Variants in TRIM24 observed in about 807,000 individuals in gnomAD.
TRIM24 encodes tripartite motif containing 24, also known as transcription intermediary factor 1-alpha.
In TRIM24, 29 loss-of-function variants were observed where a neutral mutation model predicts 123.9. The observed-to-expected ratio is 0.23, with a 90% confidence interval of 0.17 to 0.32. The LOEUF is 0.32. Among genes scored for constraint, TRIM24 ranks in the 10% least tolerant of loss-of-function variants. TRIM24 has a pLI of 1.00. For missense variants in TRIM24, 932 were observed against 1,295.3 expected (o/e 0.72, Z 4.31); for synonymous variants, 456 against 461.1 (o/e 0.99, Z 0.14).
intron 1 of TRIM24, among the ~76,000 whole-genome samples, chr7:138,501,924 G>A (rs1319205310): frequency 1.3e-5 from 2 of 151,326 alleles, no homozygotes; most frequent in East Asian, 1.9e-4. Context: ...ACAAAAAACC[G>A]TCATGCAGCT....
intron 2 of TRIM24, among the ~76,000 whole-genome samples, chr7:138,506,958 T>A (rs760166084): frequency 9.2e-5 from 14 of 152,184 alleles, no homozygotes; most frequent in Non-Finnish European, 1.9e-4. Flanking sequence ...GAACTTGATA[T>A]GCCTGATTGG....
At chr7:138,539,767 T>TA (rs1563052817) in intron 7 of TRIM24, among the ~76,000 whole-genome samples, 1 of 150,646 alleles carries the variant, frequency 6.6e-6, no homozygotes, top group African/African-American at 2.4e-5. Context: ...TTATGTTTTT[T>TA]AAAAAAACAG....
intron 12 of TRIM24, among the ~76,000 whole-genome samples, chr7:138,575,423 G>T (rs1404115633): frequency 6.6e-6 from 1 of 150,772 alleles, no homozygotes; most frequent in Non-Finnish European, 1.5e-5. Flanking sequence ...CTTCCCAGTA[G>T]TGGGGACTAC....
At chr7:138,485,360 T>G (rs1795621101) in intron 1 of TRIM24, among the ~76,000 whole-genome samples, 1 of 152,208 alleles carries the variant, frequency 6.6e-6, no homozygotes, top group South Asian at 2.1e-4. Context: ...AACTTTTTTT[T>G]TTTTTAATTA....
chr7:138,506,646 A>T (rs1362945839), intron 2 of TRIM24, among the ~76,000 whole-genome samples: 1 of 152,196 alleles, frequency 6.6e-6, no homozygotes, highest in Non-Finnish European at 1.5e-5. Flanking sequence ...CCTCCGTATG[A>T]TCAATTAGTT....
chr7:138,513,471 G>A (rs1796330789), intron 2 of TRIM24, among the ~76,000 whole-genome samples: 1 of 152,166 alleles, frequency 6.6e-6, no homozygotes, highest in African/African-American at 2.4e-5. Flanking sequence ...AGGCTGTACA[G>A]GAAGCATGAT....
chr7:138,508,688 T>TGCGC (rs1408895553), intron 2 of TRIM24, among the ~76,000 whole-genome samples: 4 of 91,584 alleles, frequency 4.4e-5, no homozygotes, highest in African/African-American at 1.6e-4. Flanking sequence ...TGTGTGTGTG[T>TGCGC]GTGTGCGCGC....
intron 6 of TRIM24, among the ~76,000 whole-genome samples, chr7:138,532,567 T>C (rs1796770788): frequency 6.6e-6 from 1 of 152,132 alleles, no homozygotes; most frequent in Non-Finnish European, 1.5e-5. Flanking sequence ...GTTCCAAAGG[T>C]CTATATCTCT....
intron 13 of TRIM24, among the ~76,000 whole-genome samples, chr7:138,576,872 C>A (rs1389398531): frequency 6.6e-6 from 1 of 152,196 alleles, no homozygotes; most frequent in African/African-American, 2.4e-5. Flanking sequence ...CTCCTCTTCC[C>A]TGCATTATGC....
At chr7:138,470,115 C>T (rs1163020473) in intron 1 of TRIM24, among the ~76,000 whole-genome samples, 1 of 145,732 alleles carries the variant, frequency 6.9e-6, no homozygotes, top group African/African-American at 2.6e-5. Flanking sequence ...TTGCCTCCTA[C>T]AAGTATAATT....
chr7:138,532,059 GT>G (rs1796759128), intron 6 of TRIM24, among the ~76,000 whole-genome samples: 1 of 152,048 alleles, frequency 6.6e-6, no homozygotes, highest in African/African-American at 2.4e-5. Flanking sequence ...TTTTGATGGG[GT>G]TGTTTGTTTT....
intron 2 of TRIM24, among the ~76,000 whole-genome samples, chr7:138,504,740 G>A (rs910273038): frequency 8.6e-5 from 13 of 151,278 alleles, no homozygotes; most frequent in Non-Finnish European, 1.6e-4. Context: ...GATTACAGGC[G>A]TGAGCCACCG....
At chr7:138,490,869 T>A in intron 1 of TRIM24, 1 of 449,006 alleles carries the variant, frequency 2.2e-6, no homozygotes, top group South Asian at 1.7e-5. Context: ...TTCCAGCATC[T>A]TCTTCTGGAT....
At chr7:138,480,433 G>C (rs1795502143) in intron 1 of TRIM24, among the ~76,000 whole-genome samples, 1 of 152,092 alleles carries the variant, frequency 6.6e-6, no homozygotes, top group Non-Finnish European at 1.5e-5. Context: ...TATAGCTATA[G>C]TTTATTCATT....
intron 1 of TRIM24, among the ~76,000 whole-genome samples, chr7:138,461,869 T>C (rs993169035): frequency 1.3e-5 from 2 of 152,228 alleles, no homozygotes; most frequent in Non-Finnish European, 2.9e-5. Flanking sequence ...AATAAAATGC[T>C]AATTAAGTAA....
At chr7:138,551,225 T>G in intron 8 of TRIM24, 45 bp downstream of exon 8, 1 of 1,469,690 alleles carries the variant, frequency 6.8e-7, no homozygotes, top group South Asian at 1.1e-5. Context: ...CATTTGTCTG[T>G]AAAACTCAAT....
chr7:138,462,605 G>A (rs753137615), intron 1 of TRIM24, among the ~76,000 whole-genome samples: 2 of 152,064 alleles, frequency 1.3e-5, no homozygotes, highest in Non-Finnish European at 2.9e-5. Context: ...CTCCCAAAGT[G>A]CTGGGATTAC....
In TRIM24 at chr7:138,554,581, C is replaced by T. The variant is rs774796491; in HGVS notation, c.1262-117C>T. 3.0e-4 allele frequency: 322 copies of T among 1,078,770 alleles called. No individual in the cohort carries two copies. Among genetic ancestry groups the T allele is most frequent in the Non-Finnish European group, 4.0e-4 (300 of 747,410 alleles). 66.8% of individuals were successfully genotyped at this position (1,078,770 alleles called of 1,614,324 possible). On this transcript the variant is annotated intron_variant, in intron 8 of 18. Coordinates refer to ENST00000343526, the MANE Select transcript of TRIM24 (RefSeq NM_015905.3). This position sits in a 1 kb window ranked among gnomAD's most constrained non-coding sequence, Gnocchi z 4.5. ...TTCTCTTTCAGAGTGTTAAAGGGCTCATGAGATCAGAGAATTTCTTGGCAA... is the reference window on the plus strand; with the variant it reads ...TTCTCTTTCAGAGTGTTAAAGGGCTTATGAGATCAGAGAATTTCTTGGCAA...
At chr7:138,518,029 G>A (rs1024171133) in intron 3 of TRIM24, among the ~76,000 whole-genome samples, 7 of 152,084 alleles carry the variant, frequency 4.6e-5, no homozygotes, top group South Asian at 2.1e-4. Flanking sequence ...ATTCCACCAC[G>A]AGGAATTTAC....
Sources: gnomAD v4.1 joint callset for allele counts (sites outside exome capture counted in the v4.1 genomes callset) on GRCh38, gnomAD v4.1.1 for gene constraint, Gnocchi (gnomAD v3.1) non-coding constraint, MANE v1.5 for transcripts, NCBI Gene and HGNC (gene_info 2026-07-23, HGNC 2026-07-21) for gene names.